IL1RAPL1: variants seen among roughly 807,000 people sequenced by gnomAD.
IL1RAPL1 encodes the protein interleukin-1 receptor accessory protein-like 1.
A neutral mutation model predicts 48.4 loss-of-function variants in IL1RAPL1; 3 were observed. The ratio of observed to expected loss-of-function variants is 0.06; its 90% CI spans 0.03 to 0.16. The LOEUF (loss-of-function observed/expected upper bound fraction) is 0.16. Among genes scored for constraint, IL1RAPL1 ranks in the 10% least tolerant of loss-of-function variants. The probability of loss-of-function intolerance (pLI) is 1.00; values close to 1 mark genes in which losing one functional copy is unlikely to be tolerated. For synonymous variants in IL1RAPL1, 185 were observed against 187.7 expected, an observed-to-expected ratio of 0.99 and a Z score of 0.12; for missense variants, 349 against 530.6, an observed-to-expected ratio of 0.66 and a Z score of 3.36.
intron 1 of IL1RAPL1, among the ~76,000 whole-genome samples, chrX:28,691,509 TCTC>T (rs1226116650): frequency 2.7e-5 from 3 of 111,877 alleles, no homozygotes; most frequent in African/African-American, 9.7e-5. Context: ...TGAGCAGTAA[TCTC>T]CTCCAGTCAC....
At chrX:29,952,334 A>G (rs765112003) in intron 9 of IL1RAPL1, among the ~76,000 whole-genome samples, 3 of 111,769 alleles carry the variant, frequency 2.7e-5, no homozygotes, top group Middle Eastern at 9.2e-3. Context: ...CATATGCCCA[A>G]AATAATACTA....
intron 2 of IL1RAPL1, among the ~76,000 whole-genome samples, chrX:28,932,164 A>T (rs1032710934): frequency 1.8e-5 from 2 of 111,681 alleles, no homozygotes; most frequent in African/African-American, 6.5e-5. Context: ...CTTAAATTTT[A>T]TATTTTATAG....
intron 5 of IL1RAPL1, among the ~76,000 whole-genome samples, chrX:29,664,127 G>A (rs1029073652): frequency 5.9e-4 from 66 of 112,202 alleles, no homozygotes; most frequent in African/African-American, 1.9e-3. Context: ...AAAGTGGGCC[G>A]GGCGCGGTGG....
At chrX:29,546,309 T>G (rs2147785620) in intron 5 of IL1RAPL1, among the ~76,000 whole-genome samples, 1 of 111,542 alleles carries the variant, frequency 9.0e-6, no homozygotes, top group South Asian at 3.8e-4. Flanking sequence ...CACCCTTTTC[T>G]ATTGGGGTTA....
intron 3 of IL1RAPL1, among the ~76,000 whole-genome samples, chrX:29,337,876 T>C: frequency 9.0e-6 from 1 of 110,884 alleles, no homozygotes; most frequent in Admixed American, 9.7e-5. Context: ...AGTTTCACCA[T>C]GTTGGCCAGG....
chrX:29,376,923 A>G (rs966466972), intron 3 of IL1RAPL1, among the ~76,000 whole-genome samples: 4 of 111,678 alleles, frequency 3.6e-5, no homozygotes, highest in African/African-American at 9.8e-5. Context: ...ATAAGCCTTG[A>G]TGATCTGTTT....
intron 2 of IL1RAPL1, among the ~76,000 whole-genome samples, chrX:28,855,667 T>C (rs1436028614): frequency 9.0e-6 from 1 of 111,406 alleles, no homozygotes; most frequent in Non-Finnish European, 1.9e-5. Context: ...TAGTTGTTTC[T>C]AGTTTCAGTT....
intron 6 of IL1RAPL1, among the ~76,000 whole-genome samples, chrX:29,795,291 A>C (rs1014551545): frequency 5.3e-5 from 6 of 112,174 alleles, no homozygotes; most frequent in African/African-American, 1.9e-4. Context: ...AATCACAGAA[A>C]ATGAGATCAT....
chrX:29,462,143 A>G (rs1416778772), intron 5 of IL1RAPL1, among the ~76,000 whole-genome samples: 8 of 106,587 alleles, frequency 7.5e-5, no homozygotes, highest in Non-Finnish European at 1.5e-4. Flanking sequence ...ATGAGTACAT[A>G]TAAGTAAAAC....
At chrX:28,731,365 A>G (rs1179167000) in intron 1 of IL1RAPL1, among the ~76,000 whole-genome samples, 2 of 111,149 alleles carry the variant, frequency 1.8e-5, no homozygotes, top group African/African-American at 3.3e-5. Flanking sequence ...GCTAGCTAGT[A>G]TTTTTCCATT....
At chrX:28,805,950 G>T (rs1403093555) in intron 2 of IL1RAPL1, among the ~76,000 whole-genome samples, 1 of 109,313 alleles carries the variant, frequency 9.1e-6, no homozygotes, top group Admixed American at 9.9e-5. Flanking sequence ...TTTCATTTCT[G>T]GATTTAAGAA....
At chrX:28,867,496 A>AT (rs1922105650) in intron 2 of IL1RAPL1, among the ~76,000 whole-genome samples, 1 of 112,069 alleles carries the variant, frequency 8.9e-6, no homozygotes, top group African/African-American at 3.2e-5. Context: ...TCAGAAATAA[A>AT]TGTGTATCTT....
intron 5 of IL1RAPL1, among the ~76,000 whole-genome samples, chrX:29,543,246 C>T (rs1921502620): frequency 9.1e-6 from 1 of 109,876 alleles, no homozygotes; most frequent in Admixed American, 9.8e-5. Context: ...GCTCTCTTCT[C>T]CATTGCATTC....
chrX:28,681,453 T>C (rs1478870281), intron 1 of IL1RAPL1, among the ~76,000 whole-genome samples: 1 of 111,750 alleles, frequency 8.9e-6, no homozygotes, highest in Admixed American at 9.5e-5. Context: ...AGATCTAAAA[T>C]AGGCAAACTT....
intron 6 of IL1RAPL1, among the ~76,000 whole-genome samples, chrX:29,803,171 GCA>G (rs1399176206): frequency 1.5e-5 from 1 of 67,219 alleles, no homozygotes; most frequent in African/African-American, 6.1e-5. Context: ...ATACACATAT[GCA>G]TACATATATG....
rs193098766 is a variant in IL1RAPL1 at position 29,570,280 on chromosome X, A to G, written c.704-98150A>G. Among the ~76,000 whole-genome samples, 116 of 112,583 alleles carry G rather than the reference A, an allele frequency of 1.0e-3. 1 individual carries two copies. Among genetic ancestry groups the G allele is most frequent in the Admixed American group, 2.6e-3 (28 of 10,676 alleles). On this transcript the variant is annotated intron_variant, in intron 5 of 10. Coordinates refer to ENST00000378993, the MANE Select transcript of IL1RAPL1 (RefSeq NM_014271.4). ...ACATATGCTCATGTTCCTTAATTCT[A>G]AATTTGCTTCAGAAACAAGTCAGTA...
chrX:29,498,485 C>T (rs935327477), intron 5 of IL1RAPL1, among the ~76,000 whole-genome samples: 25 of 110,796 alleles, frequency 2.3e-4, no homozygotes, highest in South Asian at 1.5e-3. Flanking sequence ...TGATTCCTTA[C>T]GCTTAGTCCT....
At chrX:29,286,957 G>A (rs147544597) in intron 3 of IL1RAPL1, among the ~76,000 whole-genome samples, 1 of 109,835 alleles carries the variant, frequency 9.1e-6, no homozygotes, top group African/African-American at 3.3e-5. Flanking sequence ...AGATTTGCTC[G>A]GTGGTAGCAT....
chrX:28,853,898 A>C (rs1921736677), intron 2 of IL1RAPL1, among the ~76,000 whole-genome samples: 1 of 111,825 alleles, frequency 8.9e-6, no homozygotes, highest in Admixed American at 9.6e-5. Context: ...TTATGAGGAA[A>C]GTTTTAAAGA....
Sources: allele counts gnomAD v4.1 joint callset (sites outside exome capture counted in the v4.1 genomes callset), GRCh38; gene constraint gnomAD v4.1.1; transcripts MANE v1.5; gene names NCBI Gene and HGNC (gene_info 2026-07-23, HGNC 2026-07-21).